GHR: variants seen among roughly 807,000 people sequenced by gnomAD.
The protein encoded by GHR is GH receptor.
Under a neutral mutation model 67.1 loss-of-function variants are expected in GHR, and 35 were observed. That is an observed-to-expected ratio of 0.52 (90% confidence interval 0.40 to 0.69). GHR has a LOEUF of 0.69. GHR is among the 30% of genes least tolerant of loss of function. GHR has a pLI of 0.00. For synonymous variants in GHR, 272 were observed against 269.1 expected (o/e 1.01, Z -0.10); for missense variants, 792 against 764.6 (o/e 1.04, Z -0.42).
At chr5:42,703,680 G>A (rs555920435) in intron 6 of GHR, among the ~76,000 whole-genome samples, 76 of 151,980 alleles carry the variant, frequency 5.0e-4, no homozygotes, top group Non-Finnish European at 9.3e-4. Context: ...TCTAATCCAT[G>A]AACATGGGCT....
intron 2 of GHR, among the ~76,000 whole-genome samples, chr5:42,609,672 T>C (rs1233515400): frequency 1.3e-5 from 2 of 152,152 alleles, no homozygotes; most frequent in Non-Finnish European, 2.9e-5. Flanking sequence ...AGATCACTGG[T>C]TCAAAGAGGG....
At chr5:42,462,101 A>G (rs1579741752) in intron 1 of GHR, among the ~76,000 whole-genome samples, 2 of 152,262 alleles carry the variant, frequency 1.3e-5, no homozygotes, top group African/African-American at 4.8e-5. Flanking sequence ...CAGGGTCTTA[A>G]AAATGAGTAT....
chr5:42,588,216 G>T (rs1428011504), intron 2 of GHR, among the ~76,000 whole-genome samples: 1 of 152,036 alleles, frequency 6.6e-6, no homozygotes, highest in Non-Finnish European at 1.5e-5. Context: ...GTGGATGGTG[G>T]TAAGAAGTAA....
At chr5:42,636,436 C>T (rs1754198189) in intron 3 of GHR, among the ~76,000 whole-genome samples, 2 of 152,160 alleles carry the variant, frequency 1.3e-5, no homozygotes, top group Admixed American at 1.3e-4. Context: ...AAAGTTAAAG[C>T]ATCCAACAGT....
At chr5:42,648,502 C>T (rs1025979474) in intron 3 of GHR, among the ~76,000 whole-genome samples, 3 of 152,084 alleles carry the variant, frequency 2.0e-5, no homozygotes, top group African/African-American at 7.2e-5. Flanking sequence ...AATAATTTGT[C>T]TTCCTGACTT....
At chr5:42,602,686 C>T (rs565881977) in intron 2 of GHR, among the ~76,000 whole-genome samples, 3 of 151,998 alleles carry the variant, frequency 2.0e-5, no homozygotes, top group African/African-American at 7.2e-5. Context: ...TTTGTTGTCA[C>T]CAAAGGGCTT....
intron 1 of GHR, among the ~76,000 whole-genome samples, chr5:42,429,899 C>T (rs1743017513): frequency 6.6e-6 from 1 of 152,172 alleles, no homozygotes; most frequent in Non-Finnish European, 1.5e-5. Context: ...TTATTGAAGG[C>T]TTGTTCTGCC....
At chr5:42,555,537 C>T (rs1396615291) in intron 1 of GHR, among the ~76,000 whole-genome samples, 2 of 152,140 alleles carry the variant, frequency 1.3e-5, no homozygotes, top group African/African-American at 2.4e-5. Flanking sequence ...AAGCACAGTT[C>T]GAAACCCTAC....
At chr5:42,469,646 C>T (rs954958877) in intron 1 of GHR, among the ~76,000 whole-genome samples, 1 of 152,154 alleles carries the variant, frequency 6.6e-6, no homozygotes, top group African/African-American at 2.4e-5. Flanking sequence ...CTCCCAGACC[C>T]GGGGTAGTGC....
At chr5:42,657,212 G>A (rs1755300826) in intron 3 of GHR, among the ~76,000 whole-genome samples, 1 of 152,094 alleles carries the variant, frequency 6.6e-6, no homozygotes, top group African/African-American at 2.4e-5. Flanking sequence ...ACACAGCATG[G>A]ATTCTTACCA....
chr5:42,501,995 A>G (rs1746559682), intron 1 of GHR, among the ~76,000 whole-genome samples: 1 of 152,192 alleles, frequency 6.6e-6, no homozygotes, highest in African/African-American at 2.4e-5. Flanking sequence ...CATCCAGCCC[A>G]TTCATATCCC....
intron 2 of GHR, among the ~76,000 whole-genome samples, chr5:42,623,506 T>TCTTCTGCACCTTTGTAC (rs745590744): frequency 7.9e-5 from 12 of 152,252 alleles, no homozygotes; most frequent in South Asian, 6.2e-4. Flanking sequence ...CCAGGCTGTG[T>TCTTCTGCACCTTTGTAC]CTTCTGCACC....
intron 3 of GHR, among the ~76,000 whole-genome samples, chr5:42,665,212 T>C (rs1388451759): frequency 6.6e-6 from 1 of 152,100 alleles, no homozygotes; most frequent in Admixed American, 6.5e-5. Context: ...GATCTAGAAC[T>C]AGAAATACCA....
chr5:42,570,261 G>A (rs910288723), intron 2 of GHR, among the ~76,000 whole-genome samples: 1 of 152,210 alleles, frequency 6.6e-6, no homozygotes, highest in Admixed American at 6.5e-5. Context: ...GATTGCTGCT[G>A]TCTTCACCAT....
intron 1 of GHR, among the ~76,000 whole-genome samples, chr5:42,559,666 T>C (rs1749496964): frequency 6.6e-6 from 1 of 152,230 alleles, no homozygotes; most frequent in Non-Finnish European, 1.5e-5. Flanking sequence ...AAAATTCCCA[T>C]CCTGCATTCC....
At chr5:42,439,327 G>A (rs138596751) in intron 1 of GHR, among the ~76,000 whole-genome samples, 315 of 152,300 alleles carry the variant, frequency 2.1e-3, no homozygotes, top group African/African-American at 7.3e-3. Flanking sequence ...TTAGGTGCAT[G>A]TTTGCACTTT....
Position 42,605,090 on chromosome 5 carries a change from C to CTTT in GHR, c.71-23926_71-23924dup, listed in dbSNP as rs57499086. ...ACTTGACCAGAGATTTGTGGTGCCT[C>CTTT]TTTTTTTTTTTTTTTTTTTTTTTTG... On this transcript the variant is annotated intron_variant, in intron 2 of 9. Coordinates refer to ENST00000230882, the MANE Select transcript of GHR (RefSeq NM_000163.5). Among the ~76,000 whole-genome samples the CTTT allele has an allele frequency of 7.7e-3, 693 of 90,036 alleles. 34 individuals carry two copies. Among genetic ancestry groups the CTTT allele is most frequent in the African/African-American group, 0.023 (472 of 20,538 alleles). 59.1% of individuals were successfully genotyped at this position (90,036 alleles called of 152,430 possible). A position where few individuals can be genotyped will look rare whatever the true frequency, so the allele number is the denominator to read the frequency against.
At chr5:42,530,741 G>C (rs1210003906) in intron 1 of GHR, among the ~76,000 whole-genome samples, 2 of 152,122 alleles carry the variant, frequency 1.3e-5, no homozygotes, top group East Asian at 3.9e-4. Flanking sequence ...TTCAGAGATA[G>C]ATTGTTGGCA....
rs200331463 is a variant in GHR, at chr5:42,464,012, A to G, written c.-12+40057A>G. On this transcript the variant is annotated intron_variant, in intron 1 of 9. Coordinates refer to ENST00000230882, the MANE Select transcript of GHR (RefSeq NM_000163.5). ...CGTCTCAAAAAAAAAAAAAAAAAAA[A>G]AAAAGAAAAAGAAATAATTTAGTGT... Among the ~76,000 whole-genome samples the G allele has an allele frequency of 1.3e-3, 162 of 129,254 alleles. 3 individuals are homozygous for G. In the East Asian group the frequency reaches 0.029, roughly 24 times the overall value. 84.8% of individuals were successfully genotyped at this position (129,254 alleles called of 152,430 possible).
Sources: allele counts gnomAD v4.1 joint callset (sites outside exome capture counted in the v4.1 genomes callset), GRCh38; gene constraint gnomAD v4.1.1; transcripts MANE v1.5; gene names NCBI Gene and HGNC (gene_info 2026-07-23, HGNC 2026-07-21).